RPL3L: variants seen among roughly 807,000 people sequenced by gnomAD.
RPL3L encodes ribosomal protein uL3-like.
A neutral mutation model predicts 44.5 loss-of-function variants in RPL3L; 44 were observed. The observed-to-expected ratio is 0.99, with a 90% CI of 0.78 to 1.27. The LOEUF is 1.27. Among genes scored for constraint, RPL3L ranks in the 50% most tolerant of loss-of-function variants. The probability of loss-of-function intolerance (pLI) is 0.00; values close to 1 mark genes in which losing one functional copy is unlikely to be tolerated. For synonymous variants in RPL3L, 292 were observed against 230.7 expected (o/e 1.27, Z -2.41); for missense variants, 631 against 569.1 (o/e 1.11, Z -1.11).
intron 3 of RPL3L, 31 bp downstream of exon 3, chr16:1,952,843 C>G: frequency 6.2e-7 from 1 of 1,611,796 alleles, no homozygotes; most frequent in South Asian, 1.1e-5. Context: ...CCCAGCAGCC[C>G]TTGGACGGCC....
At position 1,954,033 on chromosome 16, in the gene RPL3L, G is replaced by A. The variant is rs779666651; in HGVS notation, c.119C>T (p.Pro40Leu). 1.9e-6 allele frequency: 3 copies of A among 1,608,002 alleles called. No individual in the cohort carries two copies. The highest frequency in any genetic ancestry group is 2.5e-6 in the Non-Finnish European group (3 of 1,177,706). ...KTWPRDDPSQ[P>L]VHLTAFLGYK... is the part of the protein sequence containing the mutation. ...GCCCAGGAAGGCCGTGAGGTGCACGGGCTGGCTGGGGTCATCCCGCGGCCA... is the reference window on the plus strand; with the variant it reads ...GCCCAGGAAGGCCGTGAGGTGCACGAGCTGGCTGGGGTCATCCCGCGGCCA... Residue 40 changes from proline (P) to leucine (L), a missense_variant, in exon 2 of 10, where the codon CCC becomes CTC. Physicochemically the swap from Pro to Leu is moderately conservative, Grantham distance 98 (BLOSUM62 -3). Transcript: ENST00000268661.
chr16:1,950,125 G>A (rs1438666475), intron 4 of RPL3L, among the ~76,000 whole-genome samples: 1 of 121,070 alleles, frequency 8.3e-6, no homozygotes, highest in Non-Finnish European at 1.8e-5. Flanking sequence ...AGGTATGTAG[G>A]GGGCAGGTAT....
chr16:1,946,624 C>A lies in RPL3L; in HGVS notation c.951+1G>T. ...TGGCAGTCGCCCCCTCCCAGCCTCACCAGCGGTGTGATGGACTTGGCAGTC... is the reference window on the plus strand; with the variant it reads ...TGGCAGTCGCCCCCTCCCAGCCTCAACAGCGGTGTGATGGACTTGGCAGTC... On this transcript the variant is annotated splice_donor_variant, in intron 7 of 9. Transcript: ENST00000268661. LOFTEE classifies it high-confidence loss of function. The A allele has an allele frequency of 6.2e-7, 1 of 1,612,056 alleles. No individual in the cohort carries two copies. Among genetic ancestry groups the A allele is most frequent in the East Asian group, 2.2e-5 (1 of 44,864 alleles).
rs376757952 is a variant in RPL3L, at chr16:1,944,588, A to G, written c.*249T>C. The G allele has an allele frequency of 1.2e-3, 504 of 412,712 alleles. 1 individual carries two copies. The highest frequency in any genetic ancestry group is 9.7e-3 in the African/African-American group (484 of 49,762). The allele number at this position is 412,712 out of a possible 1,614,324, so 25.6% of individuals were successfully genotyped here. A position where few individuals can be genotyped will look rare whatever the true frequency, so the allele number is the denominator to read the frequency against. The stretch of plus-strand genomic sequence containing the variant: ...ACCTCTGCTCCGCAAATGCTCAAAG[A>G]GATCGATTTGAGTAATAATAAAACA... On this transcript the variant is annotated 3_prime_UTR_variant, in exon 10 of 10. Transcript: ENST00000268661.
intron 7 of RPL3L, 65 bp from the exon 8 acceptor site, chr16:1,945,995 G>T: frequency 7.0e-7 from 1 of 1,423,546 alleles, no homozygotes; most frequent in Non-Finnish European, 9.6e-7. Context: ...GTGGCTGGGG[G>T]CCCTAGCAGA....
At chr16:1,945,956 A>G (rs1180103981) in intron 7 of RPL3L, 26 bp from the exon 8 acceptor site, 9 of 1,576,898 alleles carry the variant, frequency 5.7e-6, no homozygotes, top group East Asian at 4.5e-5. Context: ...GTCAGAGGCC[A>G]GGCCCGGAAA....
At chr16:1,945,131 G>A (rs1015460956) in intron 9 of RPL3L, among the ~76,000 whole-genome samples, 19 of 151,942 alleles carry the variant, frequency 1.3e-4, no homozygotes, top group African/African-American at 4.1e-4. Context: ...CGAGGCGGTC[G>A]GATCATGAGG....
intron 9 of RPL3L, among the ~76,000 whole-genome samples, chr16:1,945,121 C>T (rs561342452): frequency 4.7e-4 from 72 of 152,004 alleles, no homozygotes; most frequent in Admixed American, 6.6e-4. Context: ...TTTGGGAGGC[C>T]GAGGCGGTCG....
Position 1,944,914 on chromosome 16 carries a change from G to A in RPL3L, c.1168-21C>T. 3 of 1,592,590 alleles carry A rather than the reference G, an allele frequency of 1.9e-6. 1 individual carries two copies. Among genetic ancestry groups the A allele is most frequent in the South Asian group, 2.2e-5 (2 of 89,622 alleles). ...GGGCCCTGGTTGAGAGGGTGGTGCA[G>A]GAGGAGCCTTAGTCACTCTGGCCAG... On this transcript the variant is annotated intron_variant, in intron 9 of 9. Coordinates refer to ENST00000268661, the MANE Select transcript of RPL3L (RefSeq NM_005061.3).
chr16:1,950,629 G>A (rs566710137), intron 4 of RPL3L, among the ~76,000 whole-genome samples: 102 of 152,274 alleles, frequency 6.7e-4, no homozygotes, highest in Admixed American at 6.5e-5. Flanking sequence ...TTGACTAGCC[G>A]GCGTGGCTGA....
intron 8 of RPL3L, 36 bp downstream of exon 8, chr16:1,945,799 G>A (rs750175243): frequency 7.4e-6 from 12 of 1,611,410 alleles, no homozygotes; most frequent in African/African-American, 2.7e-5. Context: ...GGCAGCCCTC[G>A]GGCACCCACT....
chr16:1,946,322 A>G (rs1489825385), intron 7 of RPL3L, among the ~76,000 whole-genome samples: 3 of 152,214 alleles, frequency 2.0e-5, no homozygotes. Context: ...CTGCCTCCAG[A>G]GGAGGCTCGG....
intron 4 of RPL3L, 107 bp downstream of exon 4, chr16:1,950,737 G>A: frequency 6.4e-7 from 1 of 1,570,168 alleles, no homozygotes; most frequent in Non-Finnish European, 8.7e-7. Context: ...CTGGGTCTGT[G>A]CCGAGGCTCG....
intron 4 of RPL3L, among the ~76,000 whole-genome samples, chr16:1,950,496 A>G (rs1441318089): frequency 2.0e-5 from 3 of 152,132 alleles, no homozygotes; most frequent in African/African-American, 7.2e-5. Flanking sequence ...ACAGCAAGCC[A>G]GACCCATGTA....
chr16:1,946,868 C>A, intron 6 of RPL3L, 70 bp downstream of exon 6: 4 of 1,559,798 alleles, frequency 2.6e-6, no homozygotes, highest in Non-Finnish European at 1.7e-6. Flanking sequence ...ATGCACCCCA[C>A]CCACTGAGGC....
chr16:1,945,603 G>T lies in RPL3L; in HGVS notation c.1063C>A (p.His355Asn). 6.2e-7 allele frequency: 1 copy of T among 1,613,902 alleles called. No homozygotes were observed. Among genetic ancestry groups the T allele is most frequent in the Non-Finnish European group, 8.5e-7 (1 of 1,179,980 alleles). ...ATATTCTCCACGGCTTGGCGACTGT[G>T]ATGCACCAGGAGGGACTGGGGAATC... ...ITLRKSLLVH[H>N]SRQAVENIEL... The change falls in exon 9 of 10, where the codon CAC becomes AAC. Residue 355 changes from histidine to asparagine, a missense_variant. Coordinates refer to ENST00000268661, the MANE Select transcript of RPL3L (RefSeq NM_005061.3).
At chr16:1,946,828 G>A (rs180887483) in intron 6 of RPL3L, 102 bp from the exon 7 acceptor site, 3 of 1,563,192 alleles carry the variant, frequency 1.9e-6, no homozygotes, top group Non-Finnish European at 2.6e-6. Flanking sequence ...GCTGGTGGGG[G>A]CATCTTGTGT....
chr16:1,947,839 G>A (rs2150862426), intron 4 of RPL3L, among the ~76,000 whole-genome samples: 1 of 152,292 alleles, frequency 6.6e-6, no homozygotes, highest in African/African-American at 2.4e-5. Context: ...GAGGAGACCA[G>A]TGTGGGCAGA....
chr16:1,954,200 G>C (rs1218246040), intron 1 of RPL3L, 52 bp from the exon 2 acceptor site: 2 of 1,477,520 alleles, frequency 1.4e-6, no homozygotes, highest in South Asian at 2.7e-5. Flanking sequence ...TGGTGGTAGA[G>C]CTGGATGGTC....
Sources: allele counts gnomAD v4.1 joint callset (sites outside exome capture counted in the v4.1 genomes callset), GRCh38; gene constraint gnomAD v4.1.1; transcripts MANE v1.5; gene names NCBI Gene and HGNC (gene_info 2026-07-23, HGNC 2026-07-21).